Variants in NKAIN2 observed in about 807,000 individuals in gnomAD.
The protein encoded by NKAIN2 is sodium/potassium-transporting ATPase subunit beta-1-interacting protein 2.
A neutral mutation model predicts 32.6 loss-of-function variants in NKAIN2; 14 were observed. That is an observed-to-expected ratio of 0.43 (90% CI 0.28 to 0.67). The LOEUF (loss-of-function observed/expected upper bound fraction) is 0.67, where lower values mean the gene tolerates loss of function less well. Ranked by LOEUF, NKAIN2 falls within the 30% of genes least tolerant of loss-of-function variation. NKAIN2 has a pLI of 0.17. For missense variants in NKAIN2, 198 were observed against 258.3 expected (o/e 0.77, Z 1.60); for synonymous variants, 80 against 87.2 (o/e 0.92, Z 0.46).
At chr6:124,101,805 C>T (rs1370268127) in intron 1 of NKAIN2, among the ~76,000 whole-genome samples, 2 of 152,034 alleles carry the variant, frequency 1.3e-5, no homozygotes, top group East Asian at 1.9e-4. Context: ...CAAGCAGATG[C>T]GGATGTGAGC....
At chr6:124,256,292 A>G (rs1187883206) in intron 1 of NKAIN2, among the ~76,000 whole-genome samples, 2 of 152,196 alleles carry the variant, frequency 1.3e-5, no homozygotes, top group Non-Finnish European at 2.9e-5. Flanking sequence ...TTTCTGTCAT[A>G]TATTTCTGTG....
chr6:124,300,284 T>C (rs1373612240), intron 2 of NKAIN2, among the ~76,000 whole-genome samples: 1 of 152,102 alleles, frequency 6.6e-6, no homozygotes, highest in African/African-American at 2.4e-5. Context: ...ATGGGAGTAT[T>C]CCTGCACAAG....
chr6:124,464,458 A>C (rs575577580), intron 3 of NKAIN2, among the ~76,000 whole-genome samples: 15 of 150,664 alleles, frequency 1.0e-4, no homozygotes, highest in South Asian at 2.1e-4. Context: ...CTAAATTGTT[A>C]CTTAGTGAAG....
At chr6:124,540,438 T>G (rs1779870611) in intron 3 of NKAIN2, among the ~76,000 whole-genome samples, 1 of 152,274 alleles carries the variant, frequency 6.6e-6, no homozygotes, top group Non-Finnish European at 1.5e-5. Context: ...TGCTATCTAC[T>G]GATAATTTTG....
chr6:124,394,489 A>AGATAGAT (rs1201760644), intron 3 of NKAIN2, among the ~76,000 whole-genome samples: 1 of 151,564 alleles, frequency 6.6e-6, no homozygotes, highest in African/African-American at 2.4e-5. Flanking sequence ...ATAGATAGAT[A>AGATAGAT]GATAGATAGA....
At chr6:124,128,567 C>A (rs145309409) in intron 1 of NKAIN2, among the ~76,000 whole-genome samples, 100 of 152,176 alleles carry the variant, frequency 6.6e-4, no homozygotes, top group African/African-American at 2.3e-3. Flanking sequence ...TTCAAATTTT[C>A]CCCATTATAG....
At chr6:124,498,591 CTG>C (rs1778160511) in intron 3 of NKAIN2, among the ~76,000 whole-genome samples, 1 of 152,136 alleles carries the variant, frequency 6.6e-6, no homozygotes, top group African/African-American at 2.4e-5. Context: ...ACATCATACA[CTG>C]TGAAACAGAG....
At chr6:124,230,153 T>C (rs1327942372) in intron 1 of NKAIN2, among the ~76,000 whole-genome samples, 5 of 152,154 alleles carry the variant, frequency 3.3e-5, no homozygotes, top group Admixed American at 3.3e-4. Context: ...TGTTGAGAGC[T>C]GGAGCAAAGG....
chr6:124,404,763 TAA>T (rs1438655490), intron 3 of NKAIN2, among the ~76,000 whole-genome samples: 1 of 149,788 alleles, frequency 6.7e-6, no homozygotes, highest in Non-Finnish European at 1.5e-5. Context: ...TACATAGATT[TAA>T]GTTAGAATTT....
At chr6:124,199,179 C>A (rs1790483467) in intron 1 of NKAIN2, among the ~76,000 whole-genome samples, 1 of 152,102 alleles carries the variant, frequency 6.6e-6, no homozygotes, top group Admixed American at 6.6e-5. Flanking sequence ...ACTGGCGTGA[C>A]AACAGATCTC....
intron 4 of NKAIN2, among the ~76,000 whole-genome samples, chr6:124,763,395 G>A (rs541168213): frequency 6.6e-6 from 1 of 152,354 alleles, no homozygotes; most frequent in East Asian, 1.9e-4. Context: ...AGTCATGGCA[G>A]ACGCAAAGAG....
intron 2 of NKAIN2, among the ~76,000 whole-genome samples, chr6:124,286,305 C>T (rs568502148): frequency 6.6e-6 from 1 of 152,070 alleles, no homozygotes; most frequent in Non-Finnish European, 1.5e-5. Context: ...AAATAATTCC[C>T]TATAATCATT....
chr6:124,117,370 C>G (rs1333471675), intron 1 of NKAIN2, among the ~76,000 whole-genome samples: 1 of 152,114 alleles, frequency 6.6e-6, no homozygotes, highest in Non-Finnish European at 1.5e-5. Flanking sequence ...TTTGATTGTA[C>G]AGGAAGAACG....
chr6:123,865,589 T>C (rs2114256378), intron 1 of NKAIN2, among the ~76,000 whole-genome samples: 1 of 152,338 alleles, frequency 6.6e-6, no homozygotes, highest in Middle Eastern at 3.4e-3. Context: ...AACTAAAATA[T>C]TTCCAAATCT....
At chr6:123,965,279 A>G (rs1256438249) in intron 1 of NKAIN2, among the ~76,000 whole-genome samples, 2 of 152,194 alleles carry the variant, frequency 1.3e-5, no homozygotes, top group African/African-American at 4.8e-5. Context: ...ACTTATTAAA[A>G]AATAGAGACA....
At chr6:123,819,631 C>G (rs1294130009) in intron 1 of NKAIN2, among the ~76,000 whole-genome samples, 1 of 152,134 alleles carries the variant, frequency 6.6e-6, no homozygotes, top group Non-Finnish European at 1.5e-5. Context: ...AGAACAGCTC[C>G]CAATTAAAGC....
intron 1 of NKAIN2, among the ~76,000 whole-genome samples, chr6:124,124,799 T>C (rs1321766584): frequency 1.3e-5 from 2 of 152,136 alleles, no homozygotes; most frequent in African/African-American, 4.8e-5. Flanking sequence ...ATTACAGAGG[T>C]AGAGGTTGAT....
intron 1 of NKAIN2, among the ~76,000 whole-genome samples, chr6:124,221,404 T>G (rs1384268656): frequency 1.5e-4 from 13 of 88,342 alleles, no homozygotes; most frequent in African/African-American, 4.6e-4. Flanking sequence ...TGGGGACTGT[T>G]GTGGGGTGAG....
intron 1 of NKAIN2, among the ~76,000 whole-genome samples, chr6:124,026,214 T>C (rs1027555168): frequency 1.3e-5 from 2 of 152,202 alleles, no homozygotes; most frequent in East Asian, 1.9e-4. Context: ...TTTTTAAAAA[T>C]GAATTTGCCA....
Sources: gnomAD v4.1 joint callset for allele counts (sites outside exome capture counted in the v4.1 genomes callset) on GRCh38, gnomAD v4.1.1 for gene constraint, MANE v1.5 for transcripts, NCBI Gene and HGNC (gene_info 2026-07-23, HGNC 2026-07-21) for gene names.